The following VPS13B variants were observed in gnomAD, a reference collection of about 807,000 sequenced individuals.
VPS13B encodes the protein vacuolar protein sorting 13 homolog B.
VPS13B carries 285 observed loss-of-function variants against 426.4 expected under a neutral mutation model. The observed-to-expected ratio is 0.67, with a 90% CI of 0.61 to 0.74. The LOEUF (loss-of-function observed/expected upper bound fraction) is 0.74. Among genes scored for constraint, VPS13B ranks in the 30% least tolerant of loss-of-function variants. The pLI, the probability that VPS13B is intolerant of heterozygous loss-of-function variation, is 0.00. For synonymous variants in VPS13B, 1,676 were observed against 1,676.4 expected (o/e 1.00, Z 0.01); for missense variants, 4,537 against 4,782.6 (o/e 0.95, Z 1.51).
At chr8:99,258,019 GTTA>G (rs1166034857) in intron 17 of VPS13B, among the ~76,000 whole-genome samples, 2 of 141,768 alleles carry the variant, frequency 1.4e-5, no homozygotes, top group Non-Finnish European at 3.1e-5. Context: ...GTTTTTTCTT[GTTA>G]TTATTTTCAT....
chr8:99,167,048 G>GT (rs1368278586), intron 15 of VPS13B, among the ~76,000 whole-genome samples: 1 of 152,148 alleles, frequency 6.6e-6, no homozygotes, highest in Non-Finnish European at 1.5e-5. Flanking sequence ...ATCAAATGAA[G>GT]TATCATATCC....
chr8:99,391,940 G>T (rs1192068125), intron 21 of VPS13B, among the ~76,000 whole-genome samples: 1 of 152,168 alleles, frequency 6.6e-6, no homozygotes, highest in Non-Finnish European at 1.5e-5. Context: ...TGAATTTAGG[G>T]AACTTGAACC....
chr8:99,125,057 AG>A (rs1189018593), intron 8 of VPS13B, among the ~76,000 whole-genome samples: 1 of 152,110 alleles, frequency 6.6e-6, no homozygotes, highest in Non-Finnish European at 1.5e-5. Flanking sequence ...TATGTATGAA[AG>A]GGAGTTTATT....
At chr8:99,528,549 A>T (rs1247779296) in intron 30 of VPS13B, among the ~76,000 whole-genome samples, 1 of 152,104 alleles carries the variant, frequency 6.6e-6, no homozygotes, top group African/African-American at 2.4e-5. Context: ...TATCATAATA[A>T]TTGCATGCTT....
chr8:99,823,858 G>T lies in VPS13B; in HGVS notation c.9210G>T (p.Met3070Ile). ...TATGTCAGTTCTGCATTTCCTCCAT[G>T]GTACAGCAAGGTATACAAATTATTC... ...QKLCQFCISS[M>I]VQQGIQIIQI... Residue 3070 changes from methionine to isoleucine, a missense_variant, in exon 51 of 62, where the codon ATG becomes ATT. By Grantham distance (10) the Met-to-Ile change is conservative. Transcript: ENST00000357162. The T allele has an allele frequency of 9.9e-6, 16 of 1,613,434 alleles. No homozygotes were observed. Among genetic ancestry groups the T allele is most frequent in the Non-Finnish European group, 1.4e-5 (16 of 1,179,830 alleles).
chr8:99,481,514 G>C, intron 24 of VPS13B, 85 bp from the exon 25 acceptor site: 1 of 1,406,262 alleles, frequency 7.1e-7, no homozygotes, highest in Non-Finnish European at 1.0e-6. Context: ...CTCTGGAATA[G>C]TTAATTTTCT....
At chr8:99,242,213 C>T (rs1816968370) in intron 17 of VPS13B, among the ~76,000 whole-genome samples, 1 of 152,148 alleles carries the variant, frequency 6.6e-6, no homozygotes, top group Admixed American at 6.5e-5. Context: ...AAACTCCTGA[C>T]CTCAGGTAAT....
At chr8:99,165,340 C>T (rs145530694) in intron 15 of VPS13B, among the ~76,000 whole-genome samples, 2 of 152,176 alleles carry the variant, frequency 1.3e-5, no homozygotes, top group East Asian at 1.9e-4. Flanking sequence ...CTCCTCTCCC[C>T]GAGAGATGAC....
chr8:99,066,923 C>A lies in VPS13B; in HGVS notation c.291+28357C>A, dbSNP rs566627899. On this transcript the variant is annotated intron_variant, in intron 3 of 61. Coordinates refer to ENST00000357162, the MANE Select transcript of VPS13B (RefSeq NM_152564.5). The stretch of plus-strand genomic sequence containing the variant: ...ATCATTACTGGTCATCAGAGAAATT[C>A]AAATGAAAACCACAGTGAGATACCA... Among the ~76,000 whole-genome samples the A allele has an allele frequency of 2.0e-5, 3 of 152,340 alleles. No individual in the cohort carries two copies. In the East Asian group the frequency reaches 5.8e-4, roughly 29 times the overall value.
intron 19 of VPS13B, among the ~76,000 whole-genome samples, chr8:99,289,878 T>A (rs1282467891): frequency 6.6e-6 from 1 of 152,078 alleles, no homozygotes; most frequent in Non-Finnish European, 1.5e-5. Flanking sequence ...AAAATACATC[T>A]ATTTTGAGTG....
rs75098291 is a variant in VPS13B at position 99,469,516 on chromosome 8, C to T, written c.3666+1882C>T. Among the ~76,000 whole-genome samples, 921 of 152,102 alleles carry T rather than the reference C, an allele frequency of 6.1e-3. 13 individuals carry two copies. Among genetic ancestry groups the T allele is most frequent in the African/African-American group, 0.02 (836 of 41,504 alleles). ...ATCAGTAGTGAATACTTTTGAATGA[C>T]ACTAAATATTTCAGTTTAATGGCTA... On this transcript the variant is annotated intron_variant, in intron 24 of 61. Transcript: ENST00000357162.
chr8:99,625,045 G>A (rs1241191085), intron 33 of VPS13B, among the ~76,000 whole-genome samples: 3 of 151,868 alleles, frequency 2.0e-5, no homozygotes, highest in Middle Eastern at 3.4e-3. Context: ...GGCTGGTCTC[G>A]AACTCCCAAC....
At chr8:99,793,481 AAAC>A (rs1812665154) in intron 43 of VPS13B, among the ~76,000 whole-genome samples, 1 of 152,032 alleles carries the variant, frequency 6.6e-6, no homozygotes, top group East Asian at 1.9e-4. Flanking sequence ...GAAGACAGTG[AAAC>A]AACATCTTTA....
chr8:99,262,257 G>A (rs1052549096), intron 17 of VPS13B, among the ~76,000 whole-genome samples: 1 of 152,156 alleles, frequency 6.6e-6, no homozygotes, highest in Non-Finnish European at 1.5e-5. Context: ...GCTGAAAATA[G>A]TAAGTGCTTT....
chr8:99,877,251 T>G lies in VPS13B; in HGVS notation c.*1585T>G, dbSNP rs190613136. On this transcript the variant is annotated 3_prime_UTR_variant, in exon 62 of 62. Coordinates refer to ENST00000357162, the MANE Select transcript of VPS13B (RefSeq NM_152564.5). ...AAGACTTAACGAACAATTCTGACTA[T>G]GAAAAATGTCTCTTTCAGTTTGTTC... 3 of 152,714 alleles carry G rather than the reference T, an allele frequency of 2.0e-5. No homozygotes were observed. In the East Asian group the frequency reaches 5.8e-4, roughly 29 times the overall value. The allele number at this position is 152,714 out of a possible 1,614,324, so 9.5% of individuals were successfully genotyped here.
intron 54 of VPS13B, among the ~76,000 whole-genome samples, chr8:99,840,845 A>G (rs765689391): frequency 2.0e-4 from 30 of 152,206 alleles, no homozygotes; most frequent in Non-Finnish European, 4.4e-4. Context: ...GAATTTTTAT[A>G]AAGAAAAAAA....
At chr8:99,069,293 A>G (rs1039962104) in intron 3 of VPS13B, among the ~76,000 whole-genome samples, 5 of 152,086 alleles carry the variant, frequency 3.3e-5, no homozygotes, top group African/African-American at 1.2e-4. Flanking sequence ...AATTAGCTGG[A>G]CTTGGTGGCA....
chr8:99,084,012 G>A (rs1333885745), intron 3 of VPS13B, among the ~76,000 whole-genome samples: 1 of 152,144 alleles, frequency 6.6e-6, no homozygotes, highest in Non-Finnish European at 1.5e-5. Context: ...CTATTGATTG[G>A]AATAGTTTCA....
intron 59 of VPS13B, among the ~76,000 whole-genome samples, chr8:99,870,371 TCTCTAA>T (rs1817334385): frequency 6.6e-6 from 1 of 152,078 alleles, no homozygotes; most frequent in Admixed American, 6.5e-5. Context: ...CCCAGGCTGG[TCTCTAA>T]CTCTGACTCA....
Sources: allele counts gnomAD v4.1 joint callset (sites outside exome capture counted in the v4.1 genomes callset), GRCh38; gene constraint gnomAD v4.1.1; transcripts MANE v1.5; gene names NCBI Gene and HGNC (gene_info 2026-07-23, HGNC 2026-07-21).